NELL2: variants seen among roughly 807,000 people sequenced by gnomAD.
The protein encoded by NELL2 is neural EGFL like 2, also known as protein kinase C-binding protein NELL2.
NELL2 carries 41 observed loss-of-function variants against 109.6 expected under a neutral mutation model. That is an observed-to-expected ratio of 0.37 (90% CI 0.29 to 0.49). NELL2 has a LOEUF of 0.49. Among genes scored for constraint, NELL2 ranks in the 20% least tolerant of loss-of-function variants. NELL2 has a pLI of 0.98. For missense variants in NELL2, 900 were observed against 1,008.3 expected, an observed-to-expected ratio of 0.89 and a Z score of 1.45; for synonymous variants, 355 against 344.7, an observed-to-expected ratio of 1.03 and a Z score of -0.33.
At position 44,722,238 on chromosome 12, in the gene NELL2, C is replaced by T. The variant is rs1002113317; in HGVS notation, c.995-7497G>A. 5.3e-5 allele frequency among the ~76,000 whole-genome samples: 8 copies of T among 151,850 alleles called. 1 individual carries two copies. Among genetic ancestry groups the T allele is most frequent in the Non-Finnish European group, 1.2e-4 (8 of 67,990 alleles). On this transcript the variant is annotated intron_variant, in intron 9 of 19. Coordinates refer to ENST00000429094, the MANE Select transcript of NELL2 (RefSeq NM_001145108.2). ...TTGCCCAGGTTGGAGTGCTGTGGCA[C>T]GATGAACTGCAACCTCAACCTCCCG... is the stretch of plus-strand genomic sequence containing the variant.
At chr12:44,573,426 A>G (rs977185382) in intron 15 of NELL2, among the ~76,000 whole-genome samples, 1 of 152,228 alleles carries the variant, frequency 6.6e-6, no homozygotes, top group African/African-American at 2.4e-5. Flanking sequence ...TAACTCCAAA[A>G]CAAAGAAATG....
Position 44,610,879 on chromosome 12 carries a change from C to T in NELL2, c.1536G>A (p.Pro512=), listed in dbSNP as rs755234671. 1.5e-5 allele frequency: 24 copies of T among 1,612,936 alleles called. No individual in the cohort carries two copies. Among genetic ancestry groups the T allele is most frequent in the East Asian group, 8.9e-5 (4 of 44,872 alleles). The change falls in exon 14 of 20, where the codon CCG becomes CCA. Residue 512 remains proline, a synonymous_variant. Coordinates refer to ENST00000429094, the MANE Select transcript of NELL2 (RefSeq NM_001145108.2). The stretch of plus-strand genomic sequence containing the variant: ...ATGTCGTTCCATTCCCTGTATAGCC[C>T]GGCTTGCAAACACAGTTGTGTCCTC... ...TVGGHNCVCK[P]GYTGNGTTCK... is the part of the protein sequence containing the mutation.
At chr12:44,600,192 G>A (rs1945163608) in intron 15 of NELL2, among the ~76,000 whole-genome samples, 1 of 143,448 alleles carries the variant, frequency 7.0e-6, no homozygotes, top group Non-Finnish European at 1.5e-5. Flanking sequence ...TGTATTTTTA[G>A]TAGAAATGGG....
chr12:44,531,061 A>T (rs1942030744), intron 16 of NELL2, among the ~76,000 whole-genome samples: 1 of 152,258 alleles, frequency 6.6e-6, no homozygotes, highest in Non-Finnish European at 1.5e-5. Flanking sequence ...AACACAGTCA[A>T]CAGAGGTATG....
chr12:44,876,939 C>CTG, upstream of NELL2: 2 of 1,214,120 alleles, frequency 1.6e-6, no homozygotes, highest in Non-Finnish European at 2.1e-6. Flanking sequence ...GAGAGCTTCC[C>CTG]CGGCGCGGAG....
At chr12:44,510,763 C>G (rs1057346966) in intron 19 of NELL2, among the ~76,000 whole-genome samples, 2 of 152,136 alleles carry the variant, frequency 1.3e-5, no homozygotes, top group Non-Finnish European at 2.9e-5. Context: ...CAGAACTGTT[C>G]GATTGAGACT....
chr12:44,644,437 G>A (rs1304847596), intron 13 of NELL2, among the ~76,000 whole-genome samples: 1 of 151,356 alleles, frequency 6.6e-6, no homozygotes, highest in Non-Finnish European at 1.5e-5. Flanking sequence ...AGAAGAATAA[G>A]GTGAGTATTG....
At chr12:44,876,422 G>A, upstream of NELL2, 1 of 1,276,000 alleles carries the variant, frequency 7.8e-7, no homozygotes. Context: ...GGGCGAGGCC[G>A]GCGCTCAGCG....
At chr12:44,785,411 A>G (rs140233403) in intron 3 of NELL2, among the ~76,000 whole-genome samples, 1 of 152,356 alleles carries the variant, frequency 6.6e-6, no homozygotes, top group East Asian at 1.9e-4. Flanking sequence ...ATTCATGCTC[A>G]TGGATAGGAA....
chr12:44,627,413 G>C (rs1258337151), intron 13 of NELL2, among the ~76,000 whole-genome samples: 3 of 142,480 alleles, frequency 2.1e-5, no homozygotes, highest in African/African-American at 8.2e-5. Flanking sequence ...ATACTTCACA[G>C]AAAAAGCAGA....
chr12:44,602,740 G>A (rs771101490), intron 15 of NELL2, among the ~76,000 whole-genome samples: 20 of 151,646 alleles, frequency 1.3e-4, no homozygotes, highest in South Asian at 1.0e-3. Flanking sequence ...TTTAGACTTC[G>A]TATGTAAAAA....
At chr12:44,914,934 C>T (rs1373452724), upstream of NELL2, among the ~76,000 whole-genome samples, 1 of 151,782 alleles carries the variant, frequency 6.6e-6, no homozygotes, top group Non-Finnish European at 1.5e-5. Context: ...ACTGTAAGCT[C>T]GGTCTCCTGG....
intron 2 of NELL2, among the ~76,000 whole-genome samples, chr12:44,817,904 G>A (rs1442684998): frequency 1.3e-5 from 2 of 152,064 alleles, no homozygotes; most frequent in Admixed American, 6.5e-5. Context: ...GACCAATCCG[G>A]GCATCACCTA....
At chr12:44,874,306 T>G (rs1506679) in intron 2 of NELL2, among the ~76,000 whole-genome samples, 33,991 of 152,042 alleles carry the variant, frequency 0.22, 4,408 homozygotes, top group East Asian at 0.46. Context: ...GTCCATTAGA[T>G]ATGTTAAACC....
chr12:44,544,463 G>A (rs1190319435), intron 15 of NELL2, among the ~76,000 whole-genome samples: 1 of 152,038 alleles, frequency 6.6e-6, no homozygotes, highest in Non-Finnish European at 1.5e-5. Context: ...CTAGTCATAT[G>A]CCATCTTTGG....
intron 7 of NELL2, 124 bp from the exon 8 acceptor site, chr12:44,776,274 C>T: frequency 2.4e-6 from 2 of 833,118 alleles, no homozygotes; most frequent in Non-Finnish European, 1.8e-6. Context: ...TTATCAACCA[C>T]TTGCCATAAA....
chr12:44,509,479 G>A (rs1036419572), intron 19 of NELL2, among the ~76,000 whole-genome samples: 1 of 152,132 alleles, frequency 6.6e-6, no homozygotes, highest in African/African-American at 2.4e-5. Flanking sequence ...GGTATTAGGA[G>A]GTAAAGCCTT....
chr12:44,530,875 C>T (rs1942022366), intron 16 of NELL2, among the ~76,000 whole-genome samples: 2 of 152,148 alleles, frequency 1.3e-5, no homozygotes, highest in Admixed American at 1.3e-4. Context: ...CCGGAGCCAC[C>T]CAGCTAAGCT....
rs562262962 is a variant in NELL2, at chr12:44,648,519, C to T, written c.1444+16965G>A. ...AGGTGTGTGAGTGTTACTCTGTGGG[C>T]GATAAGTCAACGAAGTTTCTAGAGA... is the stretch of plus-strand genomic sequence containing the variant. On this transcript the variant is annotated intron_variant, in intron 13 of 19. Coordinates refer to ENST00000429094, the MANE Select transcript of NELL2 (RefSeq NM_001145108.2). Among the ~76,000 whole-genome samples the T allele has an allele frequency of 2.6e-5, 4 of 151,660 alleles. No individual in the cohort carries two copies. The South Asian group carries it at 8.3e-4, about 32-fold the overall frequency.
Sources: allele counts gnomAD v4.1 joint callset (sites outside exome capture counted in the v4.1 genomes callset), GRCh38; gene constraint gnomAD v4.1.1; transcripts MANE v1.5; gene names NCBI Gene and HGNC (gene_info 2026-07-23, HGNC 2026-07-21).